ARHGAP10: variants seen among roughly 807,000 people sequenced by gnomAD.
ARHGAP10 encodes the protein Rho GTPase activating protein 10.
ARHGAP10 carries 87 observed loss-of-function variants against 108.6 expected under a neutral mutation model. That is an observed-to-expected ratio of 0.80 (90% confidence interval 0.67 to 0.96). The LOEUF is 0.96. Among genes scored for constraint, ARHGAP10 ranks in the 40% least tolerant of loss-of-function variants. The pLI is 0.00. For synonymous variants in ARHGAP10, 347 were observed against 341.1 expected (o/e 1.02, Z -0.19); for missense variants, 939 against 954.5 (o/e 0.98, Z 0.21).
chr4:148,027,196 C>T (rs1727900067), intron 19 of ARHGAP10, among the ~76,000 whole-genome samples: 1 of 152,236 alleles, frequency 6.6e-6, no homozygotes, highest in South Asian at 2.1e-4. Flanking sequence ...TAGACATTTA[C>T]AGAACTAGGT....
intron 14 of ARHGAP10, chr4:147,946,301 C>T (rs566202200): frequency 8.1e-6 from 2 of 248,182 alleles, no homozygotes; most frequent in Non-Finnish European, 1.5e-5. Flanking sequence ...ATACTGTTAA[C>T]GATGATGATG....
chr4:147,741,792 G>GCGCACACA (rs984531598), intron 1 of ARHGAP10, among the ~76,000 whole-genome samples: 1 of 57,576 alleles, frequency 1.7e-5, no homozygotes, highest in African/African-American at 3.4e-5. Flanking sequence ...ACACACACAC[G>GCGCACACA]CACACACACA....
chr4:148,071,161 T>G (rs1454462900), intron 22 of ARHGAP10, among the ~76,000 whole-genome samples: 2 of 152,218 alleles, frequency 1.3e-5, no homozygotes, highest in Non-Finnish European at 2.9e-5. Context: ...GGCATTCCAG[T>G]CAGAAGCCAC....
chr4:148,067,459 G>A (rs764576951), intron 22 of ARHGAP10, among the ~76,000 whole-genome samples: 15 of 152,164 alleles, frequency 9.9e-5, no homozygotes, highest in Admixed American at 5.9e-4. Context: ...ATCTGACCAC[G>A]GCTTCTGTGG....
intron 7 of ARHGAP10, 106 bp from the exon 8 acceptor site, chr4:147,874,915 T>C (rs1734997353): frequency 8.2e-6 from 10 of 1,213,794 alleles, no homozygotes; most frequent in Non-Finnish European, 9.7e-6. Flanking sequence ...AAAAAAGTTA[T>C]TTAGAGTTAA....
intron 1 of ARHGAP10, among the ~76,000 whole-genome samples, chr4:147,801,960 G>A (rs1731601655): frequency 6.6e-6 from 1 of 152,180 alleles, no homozygotes; most frequent in Non-Finnish European, 1.5e-5. Flanking sequence ...GGATGTCTGG[G>A]ATGGGAGGCA....
intron 10 of ARHGAP10, among the ~76,000 whole-genome samples, chr4:147,890,285 A>G (rs1286218663): frequency 1.7e-5 from 1 of 60,020 alleles, no homozygotes; most frequent in Admixed American, 1.9e-4. Context: ...TCAGCTAGCC[A>G]TTACTACTTT....
At chr4:147,819,189 T>C (rs573478957) in intron 1 of ARHGAP10, among the ~76,000 whole-genome samples, 1 of 152,314 alleles carries the variant, frequency 6.6e-6, no homozygotes, top group South Asian at 2.1e-4. Context: ...ATTCTGACCA[T>C]ATGAAACACC....
At chr4:147,763,315 GTTTT>G (rs771156855) in intron 1 of ARHGAP10, among the ~76,000 whole-genome samples, 1 of 138,918 alleles carries the variant, frequency 7.2e-6, no homozygotes, top group Non-Finnish European at 1.6e-5. Context: ...GTAGATAATA[GTTTT>G]TTTTTTTTTT....
chr4:147,953,794 G>A (rs1345070983), intron 15 of ARHGAP10, among the ~76,000 whole-genome samples: 1 of 151,524 alleles, frequency 6.6e-6, no homozygotes, highest in Non-Finnish European at 1.5e-5. Context: ...TGCTTACTTT[G>A]GGCTTAATTT....
chr4:147,985,123 G>C (rs1560859632), intron 18 of ARHGAP10, among the ~76,000 whole-genome samples: 1 of 152,130 alleles, frequency 6.6e-6, no homozygotes, highest in African/African-American at 2.4e-5. Flanking sequence ...GATCTGCTTG[G>C]GTATGGAGCA....
chr4:148,008,610 C>T (rs6838916), intron 18 of ARHGAP10, among the ~76,000 whole-genome samples: 16 of 151,590 alleles, frequency 1.1e-4, no homozygotes, highest in African/African-American at 3.6e-4. Flanking sequence ...ATTGAGAAGC[C>T]GTCAGCAGAT....
chr4:147,933,222 T>G (rs1415142316), intron 13 of ARHGAP10, among the ~76,000 whole-genome samples: 1 of 152,166 alleles, frequency 6.6e-6, no homozygotes, highest in Non-Finnish European at 1.5e-5. Flanking sequence ...TTTTAAAAAT[T>G]GTTTATTTTT....
At chr4:147,885,996 A>G (rs1735537591) in intron 10 of ARHGAP10, among the ~76,000 whole-genome samples, 1 of 152,190 alleles carries the variant, frequency 6.6e-6, no homozygotes, top group Non-Finnish European at 1.5e-5. Flanking sequence ...ACCTCATGTG[A>G]TGGGTTGTAG....
At chr4:147,876,389 G>T (rs1416790068) in intron 8 of ARHGAP10, among the ~76,000 whole-genome samples, 29 of 152,110 alleles carry the variant, frequency 1.9e-4, no homozygotes, top group Admixed American at 1.9e-3. Context: ...TCAGGAGATC[G>T]AGACCATCCT....
At chr4:147,876,505 A>G (rs1311793394) in intron 8 of ARHGAP10, among the ~76,000 whole-genome samples, 1 of 152,014 alleles carries the variant, frequency 6.6e-6, no homozygotes, top group African/African-American at 2.4e-5. Context: ...AGGCAGGAGA[A>G]TGGCGTGAAC....
chr4:147,938,380 T>TATATGTAAC (rs1190573817), intron 13 of ARHGAP10, among the ~76,000 whole-genome samples: 1 of 152,078 alleles, frequency 6.6e-6, no homozygotes, highest in Non-Finnish European at 1.5e-5. Flanking sequence ...AAAAAAATAG[T>TATATGTAAC]ATATGTAACT....
At chr4:147,904,234 A>C (rs553949905) in intron 10 of ARHGAP10, among the ~76,000 whole-genome samples, 26 of 151,366 alleles carry the variant, frequency 1.7e-4, no homozygotes, top group Non-Finnish European at 2.5e-4. Context: ...TTCTTTCTTT[A>C]TTTTATTATT....
At chr4:147,931,678 C>T (rs1453102852) in intron 13 of ARHGAP10, among the ~76,000 whole-genome samples, 3 of 152,166 alleles carry the variant, frequency 2.0e-5, no homozygotes, top group Non-Finnish European at 4.4e-5. Context: ...CACGATTCTT[C>T]ATCTGAAAAT....
Sources: gnomAD v4.1 joint callset for allele counts (sites outside exome capture counted in the v4.1 genomes callset) on GRCh38, gnomAD v4.1.1 for gene constraint, MANE v1.5 for transcripts, NCBI Gene and HGNC (gene_info 2026-07-23, HGNC 2026-07-21) for gene names.